Variants in NRG1 observed in about 807,000 individuals in gnomAD.
NRG1 encodes the protein neuregulin 1, also known as pro-neuregulin-1, membrane-bound isoform.
A neutral mutation model predicts 63.8 loss-of-function variants in NRG1; 18 were observed. That is an observed-to-expected ratio of 0.28 (90% CI 0.19 to 0.42). NRG1 has a LOEUF of 0.42. Ranked by LOEUF, NRG1 falls within the 10% of genes least tolerant of loss-of-function variation. NRG1 has a pLI of 1.00. For synonymous variants in NRG1, 302 were observed against 301.3 expected, an observed-to-expected ratio of 1.00 and a Z score of -0.02; for missense variants, 762 against 814.7, an observed-to-expected ratio of 0.94 and a Z score of 0.79.
chr8:32,126,426 CT>C lies in NRG1; in HGVS notation c.38-469401del, dbSNP rs572645554. Among the ~76,000 whole-genome samples, 25 of 151,972 alleles carry C rather than the reference CT, an allele frequency of 1.6e-4. No homozygotes were observed. In the East Asian group the frequency reaches 4.9e-3, roughly 30 times the overall value. The stretch of plus-strand genomic sequence containing the variant: ...AAGGATACAATAAAATGAAATTTGG[CT>C]GCAGTACAAGGTTAATGTCTCTCCT... On this transcript the variant is annotated intron_variant, in intron 1 of 10. Coordinates refer to the NRG1 transcript ENST00000519301.
At position 31,978,445 on chromosome 8, in the gene NRG1, A is replaced by G. The variant is rs910457917; in HGVS notation, c.37+339014A>G. ...TTCACAGTGTATTTTCTCCCTGAAA[A>G]CTTGTTATTTTCTTTGGAACCTTTA... is the stretch of plus-strand genomic sequence containing the variant. On this transcript the variant is annotated intron_variant, in intron 1 of 10. Coordinates refer to the NRG1 transcript ENST00000519301. Among the ~76,000 whole-genome samples, 6 of 152,144 alleles carry G rather than the reference A, an allele frequency of 3.9e-5. No homozygotes were observed. The South Asian group carries it at 1.2e-3, about 32-fold the overall frequency.
chr8:32,249,936 G>A (rs1421520162), intron 1 of NRG1, among the ~76,000 whole-genome samples: 5 of 152,042 alleles, frequency 3.3e-5, no homozygotes, highest in Non-Finnish European at 7.4e-5. Context: ...AAGAAAAAAC[G>A]GGAGTCATCC....
chr8:32,693,511 C>T (rs2975499), intron 5 of NRG1, among the ~76,000 whole-genome samples: 2,101 of 150,128 alleles, frequency 0.014, 17 homozygotes, highest in African/African-American at 0.028. Context: ...CCACCACACC[C>T]GGCCAGGTCA....
intron 5 of NRG1, among the ~76,000 whole-genome samples, chr8:32,638,411 C>T (rs886193225): frequency 2.6e-5 from 4 of 152,196 alleles, no homozygotes; most frequent in African/African-American, 9.6e-5. Flanking sequence ...ATTGAGATTA[C>T]AGTTGACCTT....
intron 1 of NRG1, among the ~76,000 whole-genome samples, chr8:31,933,998 G>A (rs1835076934): frequency 6.6e-6 from 1 of 152,114 alleles, no homozygotes; most frequent in South Asian, 2.1e-4. Context: ...TATTTTATAA[G>A]ATACCAAAGA....
At chr8:32,152,636 C>T (rs1368150339) in intron 1 of NRG1, among the ~76,000 whole-genome samples, 1 of 152,094 alleles carries the variant, frequency 6.6e-6, no homozygotes, top group African/African-American at 2.4e-5. Context: ...TACAGGAAGA[C>T]ATTATGTTTC....
chr8:32,718,545 C>A (rs1488278060), intron 5 of NRG1, among the ~76,000 whole-genome samples: 2 of 152,126 alleles, frequency 1.3e-5, no homozygotes, highest in Non-Finnish European at 2.9e-5. Context: ...TCATGGCCTA[C>A]ATATTAAACA....
intron 1 of NRG1, among the ~76,000 whole-genome samples, chr8:32,474,189 G>T (rs774080741): frequency 6.6e-6 from 1 of 152,192 alleles, no homozygotes; most frequent in Non-Finnish European, 1.5e-5. Context: ...ACAATCATGT[G>T]AAATTAAAAT....
At chr8:32,759,702 G>C (rs1830350874) in intron 10 of NRG1, among the ~76,000 whole-genome samples, 1 of 152,160 alleles carries the variant, frequency 6.6e-6, no homozygotes, top group South Asian at 2.1e-4. Context: ...GGACAAGTCT[G>C]TCTTTGGCTC....
In NRG1 at chr8:32,652,916, T is replaced by A. The variant is rs1009626940; in HGVS notation, c.502+36031T>A. Reference sequence around the variant, plus strand: ...TCCTTTTAAAGTATGAAGGAAGAGGTATTTTATAGATTGAAAAACCAAAGC... The same window carrying A: ...TCCTTTTAAAGTATGAAGGAAGAGGAATTTTATAGATTGAAAAACCAAAGC... On this transcript the variant is annotated intron_variant, in intron 5 of 11. Transcript: ENST00000356819. Among the ~76,000 whole-genome samples the A allele has an allele frequency of 2.0e-5, 3 of 152,126 alleles. No homozygotes were observed. In the East Asian group the frequency reaches 5.8e-4, roughly 29 times the overall value.
intron 1 of NRG1, among the ~76,000 whole-genome samples, chr8:31,958,062 G>GATAGATAT (rs1193461454): frequency 6.6e-6 from 1 of 151,774 alleles, no homozygotes; most frequent in Non-Finnish European, 1.5e-5. Flanking sequence ...TAGATAGATA[G>GATAGATAT]ATAGATAGAT....
At chr8:31,896,131 A>G (rs1473713956) in intron 1 of NRG1, among the ~76,000 whole-genome samples, 2 of 152,124 alleles carry the variant, frequency 1.3e-5, no homozygotes, top group Non-Finnish European at 2.9e-5. Context: ...AAAATCCAGC[A>G]TTTGCTCACT....
chr8:31,814,878 G>GC lies in NRG1; in HGVS notation c.37+175453dup, dbSNP rs1008709325. Among the ~76,000 whole-genome samples, 8 of 151,666 alleles carry GC rather than the reference G, an allele frequency of 5.3e-5. No homozygotes were observed. The East Asian group carries it at 1.6e-3, about 30-fold the overall frequency. On this transcript the variant is annotated intron_variant, in intron 1 of 10. Coordinates refer to the NRG1 transcript ENST00000519301. ...CTTGTTCTGCTCCCATACAAATGGT[G>GC]CCCCCCTGCAAGCCTCTTCTGAATT...
intron 1 of NRG1, among the ~76,000 whole-genome samples, chr8:31,907,406 G>A (rs948335352): frequency 1.4e-5 from 2 of 140,940 alleles, no homozygotes; most frequent in African/African-American, 5.3e-5. Flanking sequence ...CAGAAAGCAT[G>A]TTTTTGCAGG....
chr8:32,077,652 T>A (rs1826799189), intron 1 of NRG1, among the ~76,000 whole-genome samples: 1 of 152,194 alleles, frequency 6.6e-6, no homozygotes, highest in African/African-American at 2.4e-5. Context: ...ATCAAAAAGC[T>A]TTGTAGCTGA....
chr8:31,699,937 T>C (rs764519793), intron 1 of NRG1, among the ~76,000 whole-genome samples: 6 of 151,990 alleles, frequency 3.9e-5, no homozygotes, highest in Non-Finnish European at 8.8e-5. Context: ...TTCTGGAAGG[T>C]TTATTTGGCT....
intron 1 of NRG1, among the ~76,000 whole-genome samples, chr8:31,759,224 G>A (rs890104218): frequency 1.5e-4 from 23 of 152,050 alleles, no homozygotes; most frequent in Non-Finnish European, 2.8e-4. Flanking sequence ...GTCTTTTGAA[G>A]AGAATAATTT....
intron 1 of NRG1, among the ~76,000 whole-genome samples, chr8:31,940,909 A>T (rs1318176337): frequency 6.6e-6 from 1 of 152,140 alleles, no homozygotes; most frequent in African/African-American, 2.4e-5. Flanking sequence ...GGTAATAAAA[A>T]AATTGCCAAC....
chr8:31,908,079 A>G (rs1249421791), intron 1 of NRG1, among the ~76,000 whole-genome samples: 1 of 152,168 alleles, frequency 6.6e-6, no homozygotes, highest in Admixed American at 6.6e-5. Context: ...GGAGCCCTGG[A>G]TCTTCAAAAA....
Sources: gnomAD v4.1 joint callset for allele counts (sites outside exome capture counted in the v4.1 genomes callset) on GRCh38, gnomAD v4.1.1 for gene constraint, MANE v1.5 for transcripts, NCBI Gene and HGNC (gene_info 2026-07-23, HGNC 2026-07-21) for gene names.